The following NCALD variants were observed in gnomAD, a reference collection of about 807,000 sequenced individuals.
NCALD encodes neurocalcin delta.
NCALD carries 10 observed loss-of-function variants against 18.6 expected under a neutral mutation model. The observed-to-expected ratio is 0.54, with a 90% CI of 0.33 to 0.91. The LOEUF (loss-of-function observed/expected upper bound fraction) is 0.91, where lower values mean the gene tolerates loss of function less well. Among genes scored for constraint, NCALD ranks in the 40% least tolerant of loss-of-function variants. The pLI, the probability that NCALD is intolerant of heterozygous loss-of-function variation, is 0.03. For synonymous variants in NCALD, 88 were observed against 87.4 expected (o/e 1.01, Z -0.04); for missense variants, 184 against 247.6 (o/e 0.74, Z 1.72).
At chr8:102,117,430 C>A (rs925621242) in intron 1 of NCALD, among the ~76,000 whole-genome samples, 1 of 152,186 alleles carries the variant, frequency 6.6e-6, no homozygotes, top group African/African-American at 2.4e-5. Flanking sequence ...GCCAGAGAGT[C>A]CCAGCTACTG....
At chr8:102,117,901 T>C (rs1825838642) in intron 1 of NCALD, among the ~76,000 whole-genome samples, 1 of 152,242 alleles carries the variant, frequency 6.6e-6, no homozygotes, top group African/African-American at 2.4e-5. Flanking sequence ...TCCAGCTGCA[T>C]ATACAGAAGA....
At chr8:102,029,027 T>C (rs1368042681) in intron 1 of NCALD, 2 of 151,762 alleles carry the variant, frequency 1.3e-5, no homozygotes, top group Non-Finnish European at 2.9e-5. Context: ...TTCGGAGGAG[T>C]GATATTTCTT....
At chr8:102,049,045 A>G (rs1253341903) in intron 1 of NCALD, among the ~76,000 whole-genome samples, 1 of 152,338 alleles carries the variant, frequency 6.6e-6, no homozygotes, top group South Asian at 2.1e-4. Flanking sequence ...GAGGCACTTT[A>G]TGTATCTTAA....
chr8:101,837,061 G>C (rs1242985011), intron 4 of NCALD, among the ~76,000 whole-genome samples: 2 of 152,122 alleles, frequency 1.3e-5, no homozygotes, highest in Non-Finnish European at 2.9e-5. Flanking sequence ...CAACCACCCT[G>C]CTTTGCTAGG....
intron 3 of NCALD, among the ~76,000 whole-genome samples, chr8:101,896,206 T>C (rs1313945): frequency 0.4 from 60,742 of 151,342 alleles, 15,520 homozygotes; most frequent in African/African-American, 0.72. Flanking sequence ...TCAGAAGTAA[T>C]GCCACATATC....
rs1029946840 is a variant in NCALD, at chr8:101,692,547, T to G, written c.484+244A>C. The G allele has an allele frequency of 8.1e-6, 8 of 985,338 alleles. No individual in the cohort carries two copies. In the Admixed American group the frequency reaches 1.8e-4, roughly 23 times the overall value. 61.0% of individuals were successfully genotyped at this position (985,338 alleles called of 1,614,324 possible). On this transcript the variant is annotated intron_variant, in intron 3 of 3. Transcript: ENST00000220931. ...CATTCTTGCCCCACAAGATCCATTCTGTTTTCTTGGAGGTAGAAGTTGACC... is the reference window on the plus strand; with the variant it reads ...CATTCTTGCCCCACAAGATCCATTCGGTTTTCTTGGAGGTAGAAGTTGACC...
At chr8:102,034,373 A>T (rs1368128645) in intron 1 of NCALD, among the ~76,000 whole-genome samples, 2 of 152,214 alleles carry the variant, frequency 1.3e-5, no homozygotes, top group Non-Finnish European at 2.9e-5. Context: ...TGTGCAAGGG[A>T]TAATTGCATC....
chr8:102,117,018 G>A (rs1013357454), intron 1 of NCALD, among the ~76,000 whole-genome samples: 6 of 152,188 alleles, frequency 3.9e-5, no homozygotes, highest in African/African-American at 1.4e-4. Context: ...CAGCTCTAGT[G>A]ATGCAACCTC....
chr8:101,996,876 C>T (rs1234172427), intron 2 of NCALD, among the ~76,000 whole-genome samples: 1 of 152,164 alleles, frequency 6.6e-6, no homozygotes, highest in Non-Finnish European at 1.5e-5. Context: ...AGTGCTAATC[C>T]CCATTATCAC....
chr8:102,033,954 A>G (rs566426205), intron 1 of NCALD, among the ~76,000 whole-genome samples: 20 of 152,192 alleles, frequency 1.3e-4, no homozygotes, highest in African/African-American at 4.8e-4. Context: ...ATATAGATAT[A>G]TATAAATGTA....
intron 1 of NCALD, among the ~76,000 whole-genome samples, chr8:101,763,966 C>CTCTCTCA (rs1491550100): frequency 1.2e-5 from 1 of 85,172 alleles, no homozygotes; most frequent in African/African-American, 3.9e-5. Flanking sequence ...CTCTCTCTCT[C>CTCTCTCA]CACACACACA....
intron 2 of NCALD, among the ~76,000 whole-genome samples, chr8:101,956,087 C>T (rs1433615979): frequency 2.6e-5 from 4 of 152,068 alleles, no homozygotes; most frequent in South Asian, 2.1e-4. Context: ...CTATTCTTGA[C>T]ATTTTTCTAT....
chr8:102,069,741 A>G (rs1385780501), intron 1 of NCALD, among the ~76,000 whole-genome samples: 1 of 152,250 alleles, frequency 6.6e-6, no homozygotes, highest in Non-Finnish European at 1.5e-5. Context: ...TGACATGGAC[A>G]CATACCCATA....
intron 1 of NCALD, among the ~76,000 whole-genome samples, chr8:102,043,506 C>T (rs1461298375): frequency 6.6e-6 from 1 of 151,492 alleles, no homozygotes; most frequent in Non-Finnish European, 1.5e-5. Flanking sequence ...AACATAAAGG[C>T]TGTGGATTTG....
intron 1 of NCALD, among the ~76,000 whole-genome samples, chr8:102,086,005 T>C (rs1824725052): frequency 6.6e-6 from 1 of 152,230 alleles, no homozygotes. Flanking sequence ...CCTGACATTT[T>C]TGCAGTGTTA....
At chr8:101,710,065 C>G (rs1815712232) in intron 2 of NCALD, among the ~76,000 whole-genome samples, 2 of 152,214 alleles carry the variant, frequency 1.3e-5, no homozygotes, top group Admixed American at 1.3e-4. Context: ...GAATTTCCAA[C>G]TGAGGTACCC....
chr8:102,040,862 C>T (rs999239452), intron 1 of NCALD, among the ~76,000 whole-genome samples: 1 of 152,174 alleles, frequency 6.6e-6, no homozygotes, highest in Non-Finnish European at 1.5e-5. Context: ...ATTACACCAC[C>T]AAGCCAATGG....
intron 4 of NCALD, among the ~76,000 whole-genome samples, chr8:101,832,319 A>C (rs942748278): frequency 2.0e-5 from 3 of 152,064 alleles, no homozygotes; most frequent in Non-Finnish European, 4.4e-5. Flanking sequence ...TAACAGCCTG[A>C]CCATTCTGCC....
chr8:101,691,852 T>A (rs755035921), intron 3 of NCALD: 2 of 985,304 alleles, frequency 2.0e-6, no homozygotes, highest in South Asian at 9.4e-5. Flanking sequence ...CCCAAGTGCC[T>A]GTGCACATGG....
Sources: allele counts gnomAD v4.1 joint callset (sites outside exome capture counted in the v4.1 genomes callset), GRCh38; gene constraint gnomAD v4.1.1; transcripts MANE v1.5; gene names NCBI Gene and HGNC (gene_info 2026-07-23, HGNC 2026-07-21).